SLC22A4: variants seen among roughly 807,000 people sequenced by gnomAD.
SLC22A4 encodes the protein solute carrier family 22 member 4.
SLC22A4 carries 39 observed loss-of-function variants against 56.6 expected under a neutral mutation model. That is an observed-to-expected ratio of 0.69 (90% CI 0.53 to 0.90). The LOEUF is 0.90. Ranked by LOEUF, SLC22A4 falls within the 40% of genes least tolerant of loss-of-function variation. SLC22A4 has a pLI of 0.00. For synonymous variants in SLC22A4, 241 were observed against 281.4 expected (o/e 0.86, Z 1.44); for missense variants, 594 against 696.5 (o/e 0.85, Z 1.66).
intron 5 of SLC22A4, among the ~76,000 whole-genome samples, chr5:132,331,206 G>A (rs771816424): frequency 6.6e-6 from 1 of 152,052 alleles, no homozygotes; most frequent in Non-Finnish European, 1.5e-5. Context: ...GGTGGTGCTC[G>A]CCTGTAATCC....
intron 1 of SLC22A4, among the ~76,000 whole-genome samples, chr5:132,305,738 C>T (rs1056722038): frequency 2.0e-5 from 3 of 152,122 alleles, no homozygotes; most frequent in African/African-American, 4.8e-5. Context: ...TTCAAAAATA[C>T]ACAAAACTTG....
At chr5:132,329,011 T>C (rs1750778278) in intron 5 of SLC22A4, among the ~76,000 whole-genome samples, 1 of 151,862 alleles carries the variant, frequency 6.6e-6, no homozygotes, top group Non-Finnish European at 1.5e-5. Flanking sequence ...CAGCTCAATG[T>C]AGCCTCGACC....
rs1022711953 is a variant in SLC22A4, at chr5:132,297,011, G to A, written c.393+2002G>A. 5.3e-5 allele frequency among the ~76,000 whole-genome samples: 8 copies of A among 152,244 alleles called. No homozygotes were observed. In the East Asian group the frequency reaches 1.5e-3, roughly 29 times the overall value. On this transcript the variant is annotated intron_variant, in intron 1 of 9. Coordinates refer to ENST00000200652, the MANE Select transcript of SLC22A4 (RefSeq NM_003059.3). ...CTTCCTGGCTTCCTTTTTGAGTGGT[G>A]GAAGTAAAATAAAAAGCAACTAGGG...
chr5:132,304,851 T>TA (rs1749988420), intron 1 of SLC22A4, among the ~76,000 whole-genome samples: 1 of 152,154 alleles, frequency 6.6e-6, no homozygotes, highest in Admixed American at 6.5e-5. Context: ...CCATTATAAA[T>TA]ATGTTCAAAG....
intron 1 of SLC22A4, among the ~76,000 whole-genome samples, chr5:132,306,725 T>C (rs1471554962): frequency 6.6e-6 from 1 of 151,726 alleles, no homozygotes; most frequent in Non-Finnish European, 1.5e-5. Flanking sequence ...GGATTACAGG[T>C]GTGACCCACC....
rs1388974630 is a variant in SLC22A4, at chr5:132,294,497, C to G, written c.-120C>G. The G allele has an allele frequency of 4.9e-6, 7 of 1,427,790 alleles. No homozygotes were observed. Among genetic ancestry groups the G allele is most frequent in the Non-Finnish European group, 2.9e-6 (3 of 1,035,506 alleles). 88.4% of individuals were successfully genotyped at this position (1,427,790 alleles called of 1,614,324 possible). ...CCCGGCTTCGCGCCCCAATTTCTAA[C>G]AGCCTGCCTGTCCCCCGGGAACGTT... On this transcript the variant is annotated 5_prime_UTR_variant, in exon 1 of 10. Coordinates refer to ENST00000200652, the MANE Select transcript of SLC22A4 (RefSeq NM_003059.3). This position sits in a 1 kb window ranked among gnomAD's most constrained non-coding sequence, Gnocchi z 5.6.
At chr5:132,317,169 A>G (rs566461330) in intron 3 of SLC22A4, among the ~76,000 whole-genome samples, 1 of 152,364 alleles carries the variant, frequency 6.6e-6, no homozygotes, top group South Asian at 2.1e-4. Flanking sequence ...GGATCAATGT[A>G]TGAATAATAG....
chr5:132,324,889 A>C (rs1750647060), intron 4 of SLC22A4, among the ~76,000 whole-genome samples: 1 of 152,230 alleles, frequency 6.6e-6, no homozygotes, highest in Non-Finnish European at 1.5e-5. Flanking sequence ...AAAGCAATTC[A>C]AAACTAGAGA....
intron 5 of SLC22A4, among the ~76,000 whole-genome samples, chr5:132,331,555 G>A (rs1253678318): frequency 6.6e-6 from 1 of 152,186 alleles, no homozygotes; most frequent in South Asian, 2.1e-4. Flanking sequence ...AGGCTTCTGT[G>A]TAAAATGGAC....
At position 132,312,273 on chromosome 5, in the gene SLC22A4, A is replaced by T; in HGVS notation, c.497+9A>T. On this transcript the variant is annotated intron_variant, in intron 2 of 9. Transcript: ENST00000200652. ...GGGCAGCTGTCAGACAGGTAAGCACATGGGAGGGGAGGAAGGTGGGATGGT... is the reference window on the plus strand; with the variant it reads ...GGGCAGCTGTCAGACAGGTAAGCACTTGGGAGGGGAGGAAGGTGGGATGGT... 1.3e-6 allele frequency: 2 copies of T among 1,559,742 alleles called. No individual in the cohort carries two copies. The highest frequency in any genetic ancestry group is 3.3e-4 in the Middle Eastern group (2 of 5,972).
chr5:132,343,702 A>G, intron 9 of SLC22A4, 58 bp from the exon 10 acceptor site: 2 of 1,069,938 alleles, frequency 1.9e-6, no homozygotes, highest in Non-Finnish European at 1.4e-6. Flanking sequence ...TGGATGGAGC[A>G]TTTTGAGGAG....
At chr5:132,295,378 T>C in intron 1 of SLC22A4, 1 of 482,636 alleles carries the variant, frequency 2.1e-6, no homozygotes, top group South Asian at 1.7e-5. Context: ...GGAGGAGGGG[T>C]GTGAGGGACC....
chr5:132,343,845 T>C lies in SLC22A4; in HGVS notation c.*10T>C. The stretch of plus-strand genomic sequence containing the variant: ...AATAACTGCATTCTGAAAAAATATC[T>C]ACCCCATTTGGTGAAGTGAAAAACA... On this transcript the variant is annotated 3_prime_UTR_variant, in exon 10 of 10. Transcript: ENST00000200652. 2 of 1,555,340 alleles carry C rather than the reference T, an allele frequency of 1.3e-6. No homozygotes were observed. Among genetic ancestry groups the C allele is most frequent in the South Asian group, 1.1e-5 (1 of 88,598 alleles).
intron 1 of SLC22A4, among the ~76,000 whole-genome samples, chr5:132,297,055 C>T (rs1303842656): frequency 2.3e-4 from 35 of 152,162 alleles, no homozygotes; most frequent in Admixed American, 2.0e-3. Flanking sequence ...CAGTGGCTCA[C>T]GCCTGTAATC....
At chr5:132,308,756 C>A (rs1459647791) in intron 1 of SLC22A4, among the ~76,000 whole-genome samples, 1 of 152,088 alleles carries the variant, frequency 6.6e-6, no homozygotes, top group Non-Finnish European at 1.5e-5. Context: ...GGTCTGGGAC[C>A]CTGCTGATGG....
intron 1 of SLC22A4, among the ~76,000 whole-genome samples, chr5:132,306,381 TGA>T (rs1289834189): frequency 2.5e-5 from 2 of 79,232 alleles, no homozygotes; most frequent in Admixed American, 1.8e-4. Context: ...ACCCAAACCG[TGA>T]AATATATATA....
intron 5 of SLC22A4, among the ~76,000 whole-genome samples, chr5:132,328,110 G>C (rs758539100): frequency 6.6e-6 from 1 of 152,168 alleles, no homozygotes; most frequent in East Asian, 1.9e-4. Flanking sequence ...GGAGGAAATG[G>C]TAAGTATCCA....
chr5:132,319,301 C>CAAAAAAAAAAA (rs55756450), intron 3 of SLC22A4, among the ~76,000 whole-genome samples: 1 of 85,526 alleles, frequency 1.2e-5, no homozygotes, highest in Non-Finnish European at 2.7e-5. Context: ...AAGTCTGTCT[C>CAAAAAAAAAAA]AAAAAAAAAA....
Position 132,340,566 on chromosome 5 carries a change from T to A in SLC22A4, c.1446T>A (p.Gly482=). ...SIIAPYFVYL[G]AYNRMLPYIV... is the part of the protein sequence containing the mutation. ...GTTCTTATGTCCCGGGCTTTACAGG[T>A]GCTTACAACAGAATGCTGCCCTACA... is the stretch of plus-strand genomic sequence containing the variant. Residue 482 remains glycine (G), a splice_region_variant and synonymous_variant, in exon 9 of 10, where the codon GGT becomes GGA. Transcript: ENST00000200652. The A allele has an allele frequency of 1.2e-6, 2 of 1,613,904 alleles. No individual in the cohort carries two copies. Among genetic ancestry groups the A allele is most frequent in the Non-Finnish European group, 1.7e-6 (2 of 1,179,856 alleles).
Sources: gnomAD v4.1 joint callset for allele counts (sites outside exome capture counted in the v4.1 genomes callset) on GRCh38, gnomAD v4.1.1 for gene constraint, Gnocchi (gnomAD v3.1) non-coding constraint, MANE v1.5 for transcripts, NCBI Gene and HGNC (gene_info 2026-07-23, HGNC 2026-07-21) for gene names.